Variants in RIMS1 observed in about 807,000 individuals in gnomAD.
The protein encoded by RIMS1 is regulating synaptic membrane exocytosis 1, also known as regulating synaptic membrane exocytosis protein 1.
Under a neutral mutation model 214.1 loss-of-function variants are expected in RIMS1, and 83 were observed. The ratio of observed to expected loss-of-function variants is 0.39; its 90% CI spans 0.32 to 0.47. The LOEUF (loss-of-function observed/expected upper bound fraction) is 0.47. Ranked by LOEUF, RIMS1 falls within the 20% of genes least tolerant of loss-of-function variation. RIMS1 has a pLI of 0.99. For missense variants in RIMS1, 2,050 were observed against 2,161.8 expected (o/e 0.95, Z 1.03); for synonymous variants, 793 against 786.8 (o/e 1.01, Z -0.13).
intron 26 of RIMS1, among the ~76,000 whole-genome samples, chr6:72,295,191 A>G (rs768875161): frequency 9.9e-5 from 15 of 151,778 alleles, no homozygotes; most frequent in Admixed American, 2.6e-4. Flanking sequence ...TAAAACTCCA[A>G]TGATATTCCT....
At chr6:72,208,352 G>A (rs2053274139) in intron 6 of RIMS1, among the ~76,000 whole-genome samples, 1 of 152,142 alleles carries the variant, frequency 6.6e-6, no homozygotes, top group Non-Finnish European at 1.5e-5. Flanking sequence ...CTTGGTCAGT[G>A]ATACCTCATT....
intron 2 of RIMS1, among the ~76,000 whole-genome samples, chr6:72,082,162 C>T (rs1360048404): frequency 1.3e-5 from 2 of 152,114 alleles, no homozygotes; most frequent in Non-Finnish European, 2.9e-5. Flanking sequence ...TATTTGATGG[C>T]ACTGCTTTTA....
At chr6:72,280,775 T>C (rs2089710046) in intron 23 of RIMS1, among the ~76,000 whole-genome samples, 1 of 152,088 alleles carries the variant, frequency 6.6e-6, no homozygotes, top group Non-Finnish European at 1.5e-5. Context: ...TTTTATATTT[T>C]TATAGATGAG....
intron 1 of RIMS1, among the ~76,000 whole-genome samples, chr6:71,911,758 T>C (rs574504354): frequency 3.9e-5 from 6 of 152,262 alleles, no homozygotes; most frequent in African/African-American, 1.2e-4. Flanking sequence ...TTGTTAAACA[T>C]CTGTTGGTGC....
chr6:72,279,200 G>T (rs2088620279), intron 23 of RIMS1, among the ~76,000 whole-genome samples: 1 of 151,792 alleles, frequency 6.6e-6, no homozygotes, highest in Admixed American at 6.6e-5. Flanking sequence ...AAAAGGAAAA[G>T]AAAACACATA....
chr6:72,205,009 CAA>C (rs1432765904), intron 6 of RIMS1, among the ~76,000 whole-genome samples: 2 of 152,058 alleles, frequency 1.3e-5, no homozygotes, highest in Non-Finnish European at 2.9e-5. Context: ...CATTGGATGA[CAA>C]GACATTATTT....
chr6:71,937,571 A>C lies in RIMS1; in HGVS notation c.165-31412A>C, dbSNP rs551467395. 2.0e-5 allele frequency among the ~76,000 whole-genome samples: 3 copies of C among 152,214 alleles called. No individual in the cohort carries two copies. The East Asian group carries it at 5.8e-4, about 29-fold the overall frequency. On this transcript the variant is annotated intron_variant, in intron 1 of 33. Transcript: ENST00000521978. ...CCTGGCCAGAGGTGGGAATTTTAAG[A>C]TTAAGGGCCACAGCTGGTGAGGGTC...
intron 4 of RIMS1, among the ~76,000 whole-genome samples, chr6:72,113,877 G>T (rs531203142): frequency 6.6e-6 from 1 of 152,154 alleles, no homozygotes; most frequent in South Asian, 2.1e-4. Context: ...TGCAATAAAT[G>T]CTATATGCAA....
At chr6:72,306,912 A>G (rs1054679878) in intron 26 of RIMS1, among the ~76,000 whole-genome samples, 2 of 152,148 alleles carry the variant, frequency 1.3e-5, no homozygotes, top group Non-Finnish European at 2.9e-5. Flanking sequence ...ATATATGTAC[A>G]TGCAACAAAC....
At chr6:72,099,905 A>C in intron 3 of RIMS1, 70 bp from the exon 4 acceptor site, 2 of 1,246,924 alleles carry the variant, frequency 1.6e-6, no homozygotes, top group Non-Finnish European at 2.3e-6. Flanking sequence ...TTATTAATAC[A>C]TGGCTCAATT....
At chr6:72,256,942 G>T (rs1055426240) in intron 16 of RIMS1, among the ~76,000 whole-genome samples, 1 of 151,684 alleles carries the variant, frequency 6.6e-6, no homozygotes, top group African/African-American at 2.4e-5. Context: ...CAAAATGTTT[G>T]TATTTCTTTA....
At chr6:71,936,251 C>T (rs932546913) in intron 1 of RIMS1, among the ~76,000 whole-genome samples, 1 of 141,190 alleles carries the variant, frequency 7.1e-6, no homozygotes, top group Non-Finnish European at 1.5e-5. Context: ...GGCGTGAACC[C>T]GGGAGGCGGA....
intron 26 of RIMS1, among the ~76,000 whole-genome samples, chr6:72,293,736 T>C (rs1218223836): frequency 6.6e-6 from 1 of 151,788 alleles, no homozygotes; most frequent in Non-Finnish European, 1.5e-5. Context: ...CAAAATAAGT[T>C]GTATTGTATG....
intron 6 of RIMS1, among the ~76,000 whole-genome samples, chr6:72,228,019 T>C (rs1344557740): frequency 6.6e-6 from 1 of 151,916 alleles, no homozygotes; most frequent in African/African-American, 2.4e-5. Context: ...GAAAAAACTG[T>C]GCATATTTAT....
chr6:71,994,274 A>G (rs1393855978), intron 2 of RIMS1, among the ~76,000 whole-genome samples: 1 of 152,204 alleles, frequency 6.6e-6, no homozygotes, highest in African/African-American at 2.4e-5. Context: ...AAAACATTTT[A>G]TTAGAAAAGA....
At chr6:72,147,700 T>C (rs371618483) in intron 4 of RIMS1, among the ~76,000 whole-genome samples, 12 of 152,346 alleles carry the variant, frequency 7.9e-5, no homozygotes, top group East Asian at 3.9e-4. Flanking sequence ...TAAATATACC[T>C]ATAGCTTGAA....
At chr6:72,027,618 G>A (rs1377647434) in intron 2 of RIMS1, among the ~76,000 whole-genome samples, 1 of 151,968 alleles carries the variant, frequency 6.6e-6, no homozygotes, top group East Asian at 1.9e-4. Flanking sequence ...ATGTACACTT[G>A]ACTCTCTCTT....
At chr6:72,363,298 G>A (rs1449343730) in intron 29 of RIMS1, among the ~76,000 whole-genome samples, 2 of 152,210 alleles carry the variant, frequency 1.3e-5, no homozygotes, top group Non-Finnish European at 2.9e-5. Flanking sequence ...AAGGGAAAAA[G>A]TGGCGCAAAA....
At chr6:72,227,727 A>G (rs2060638204) in intron 6 of RIMS1, among the ~76,000 whole-genome samples, 1 of 152,012 alleles carries the variant, frequency 6.6e-6, no homozygotes. Flanking sequence ...TCTCTGGGGT[A>G]GTTCAACTCC....
Sources: gnomAD v4.1 joint callset for allele counts (sites outside exome capture counted in the v4.1 genomes callset) on GRCh38, gnomAD v4.1.1 for gene constraint, MANE v1.5 for transcripts, NCBI Gene and HGNC (gene_info 2026-07-23, HGNC 2026-07-21) for gene names.